Variants in KLHL2 observed in about 807,000 individuals in gnomAD.
KLHL2 encodes kelch-like protein 2.
In KLHL2, 15 loss-of-function variants were observed where a neutral mutation model predicts 75.8. The observed-to-expected ratio is 0.20, with a 90% CI of 0.13 to 0.30. KLHL2 has a LOEUF of 0.30. KLHL2 is among the 10% of genes least tolerant of loss of function. KLHL2 has a pLI of 1.00. For missense variants in KLHL2, 381 were observed against 741.0 expected, an observed-to-expected ratio of 0.51 and a Z score of 5.64; for synonymous variants, 214 against 251.9, an observed-to-expected ratio of 0.85 and a Z score of 1.42.
chr4:165,287,104 C>T (rs529209286), intron 5 of KLHL2, among the ~76,000 whole-genome samples: 2 of 152,252 alleles, frequency 1.3e-5, no homozygotes, highest in South Asian at 2.1e-4. Context: ...ATCTCTAGAA[C>T]GTCTTCATTT....
At chr4:165,274,268 G>A (rs1250081201) in intron 5 of KLHL2, among the ~76,000 whole-genome samples, 2 of 152,110 alleles carry the variant, frequency 1.3e-5, no homozygotes, top group Non-Finnish European at 2.9e-5. Flanking sequence ...GAGAAAGCCT[G>A]CAGGACCTCG....
In KLHL2 at chr4:165,264,704, G is replaced by A. The variant is rs866103272; in HGVS notation, c.544+1345G>A. ...TGTATGTGTGTGTGTGTGTGTGTGT[G>A]TATATATATATATATACATATATAT... On this transcript the variant is annotated intron_variant, in intron 5 of 14. Coordinates refer to ENST00000226725, the MANE Select transcript of KLHL2 (RefSeq NM_007246.4). Among the ~76,000 whole-genome samples the A allele has an allele frequency of 1.9e-3, 156 of 82,832 alleles. 1 individual carries two copies. The highest frequency in any genetic ancestry group is 6.1e-3 in the African/African-American group (132 of 21,654). 54.3% of individuals were successfully genotyped at this position (82,832 alleles called of 152,430 possible).
rs1202840207 is a variant in KLHL2 at position 165,322,779 on chromosome 4, T to C, written c.*719T>C. 1 of 152,650 alleles carries C rather than the reference T, an allele frequency of 6.6e-6. No homozygotes were observed. Among genetic ancestry groups the C allele is most frequent in the Non-Finnish European group, 1.5e-5 (1 of 68,038 alleles). The allele number at this position is 152,650 out of a possible 1,614,324, so 9.5% of individuals were successfully genotyped here. ...ATGGACCTGGTGTAACACACTTGAA[T>C]ATGTGTGATGCCAAACTTTTTAAAA... On this transcript the variant is annotated 3_prime_UTR_variant, in exon 15 of 15. Coordinates refer to ENST00000226725, the MANE Select transcript of KLHL2 (RefSeq NM_007246.4).
At chr4:165,264,590 A>ATG in intron 5 of KLHL2, among the ~76,000 whole-genome samples, 1 of 72,800 alleles carries the variant, frequency 1.4e-5, no homozygotes, top group Non-Finnish European at 3.1e-5. Flanking sequence ...TCCATCATAT[A>ATG]TATATATATA....
At chr4:165,232,735 A>G (rs1467549729) in intron 3 of KLHL2, among the ~76,000 whole-genome samples, 1 of 152,026 alleles carries the variant, frequency 6.6e-6, no homozygotes, top group Non-Finnish European at 1.5e-5. Context: ...TGAGAATATG[A>G]CCCTGTCTCA....
At position 165,319,474 on chromosome 4, in the gene KLHL2, TA is replaced by T. The variant is rs1746812922; in HGVS notation, c.1753+1508del. Among the ~76,000 whole-genome samples the T allele has an allele frequency of 6.6e-6, 1 of 152,146 alleles. No homozygotes were observed. The highest frequency in any genetic ancestry group is 2.1e-4 in the South Asian group (1 of 4,828). ...GCTGCACTTGCCCACCATTTCAAAATAAATGAATCCAGGGTAGGGATCATTG... is the reference window on the plus strand; with the variant it reads ...GCTGCACTTGCCCACCATTTCAAAATAATGAATCCAGGGTAGGGATCATTG... On this transcript the variant is annotated intron_variant, in intron 14 of 14. Transcript: ENST00000226725. This position sits in a 1 kb window ranked among gnomAD's most constrained non-coding sequence, Gnocchi z 4.5.
chr4:165,309,733 A>T (rs563351785), intron 9 of KLHL2, among the ~76,000 whole-genome samples: 2 of 152,372 alleles, frequency 1.3e-5, no homozygotes, highest in Non-Finnish European at 2.9e-5. Flanking sequence ...TATAAAAACC[A>T]TGCTTAGCTT....
intron 1 of KLHL2, among the ~76,000 whole-genome samples, chr4:165,212,600 G>A (rs4107940): frequency 1.3e-5 from 2 of 152,040 alleles, no homozygotes; most frequent in South Asian, 4.1e-4. Context: ...TCCTACTCTG[G>A]TTTTTAGGTT....
In KLHL2 at chr4:165,285,696, C is replaced by T. The variant is rs370756231; in HGVS notation, c.545-8663C>T. Among the ~76,000 whole-genome samples, 4 of 152,250 alleles carry T rather than the reference C, an allele frequency of 2.6e-5. No homozygotes were observed. The East Asian group carries it at 5.8e-4, about 22-fold the overall frequency. On this transcript the variant is annotated intron_variant, in intron 5 of 14. Transcript: ENST00000226725. ...TGCTGGGATTACAGGCATGAGCCGCCATGCCTGGCCCAGTGTGGATATACT... is the reference window on the plus strand; with the variant it reads ...TGCTGGGATTACAGGCATGAGCCGCTATGCCTGGCCCAGTGTGGATATACT...
chr4:165,314,194 T>G, intron 13 of KLHL2, 28 bp downstream of exon 13: 1 of 1,585,206 alleles, frequency 6.3e-7, no homozygotes, highest in Non-Finnish European at 8.6e-7. Context: ...GTTATAAAAC[T>G]TATGTTGAAT....
intron 4 of KLHL2, among the ~76,000 whole-genome samples, chr4:165,256,995 A>T (rs942042073): frequency 3.9e-5 from 6 of 152,206 alleles, no homozygotes; most frequent in African/African-American, 1.4e-4. Flanking sequence ...ATTCAATTTC[A>T]TTGATATTAT....
intron 5 of KLHL2, among the ~76,000 whole-genome samples, chr4:165,275,272 T>C (rs1285882986): frequency 5.9e-5 from 9 of 152,138 alleles, no homozygotes; most frequent in Non-Finnish European, 1.2e-4. Flanking sequence ...TGTTGGGTGG[T>C]ATCTATATTT....
intron 13 of KLHL2, among the ~76,000 whole-genome samples, chr4:165,316,906 A>G (rs1746627277): frequency 1.3e-5 from 2 of 152,174 alleles, no homozygotes; most frequent in Admixed American, 1.3e-4. Flanking sequence ...TGGGGTTAAA[A>G]AAGAAAGTGT....
chr4:165,302,289 G>A (rs1036691391), intron 8 of KLHL2, among the ~76,000 whole-genome samples: 2 of 152,020 alleles, frequency 1.3e-5, no homozygotes, highest in African/African-American at 4.8e-5. Context: ...TCATTTTAGA[G>A]TTGTTATGTT....
At chr4:165,278,223 C>T in intron 5 of KLHL2, 1 of 1,180,656 alleles carries the variant, frequency 8.5e-7, no homozygotes. Flanking sequence ...TCCTCAGGTT[C>T]AAGACTCCAT....
chr4:165,317,364 T>C (rs906456922), intron 13 of KLHL2, among the ~76,000 whole-genome samples: 10 of 139,132 alleles, frequency 7.2e-5, no homozygotes, highest in Non-Finnish European at 1.1e-4. Flanking sequence ...TAGAAAGAAT[T>C]CTTTTTTTTT....
chr4:165,255,717 A>G (rs892855534), intron 4 of KLHL2, among the ~76,000 whole-genome samples: 6 of 152,048 alleles, frequency 3.9e-5, no homozygotes, highest in African/African-American at 1.4e-4. Flanking sequence ...TAAGCGTTTC[A>G]TCTTCTAAAC....
intron 9 of KLHL2, among the ~76,000 whole-genome samples, chr4:165,307,860 GT>G (rs1162054273): frequency 6.6e-6 from 1 of 152,168 alleles, no homozygotes; most frequent in Non-Finnish European, 1.5e-5. Flanking sequence ...TATCTGGGCT[GT>G]ATTTTAGTCT....
In KLHL2 at chr4:165,238,802, A is replaced by G. The variant is rs1739570357; in HGVS notation, c.284A>G (p.Lys95Arg). Residue 95 changes from lysine to arginine, a missense_variant, in exon 4 of 15, where the codon AAG becomes AGG. Lys to Arg is a conservative substitution (Grantham distance 26). Coordinates refer to ENST00000226725, the MANE Select transcript of KLHL2 (RefSeq NM_007246.4). Reference sequence around the variant, plus strand: ...GGTGAGATGAGTGAGAGCCGAGCAAAGAGAGTTAGAATAAAAGAGGTAGAT... The same window carrying G: ...GGTGAGATGAGTGAGAGCCGAGCAAGGAGAGTTAGAATAAAAGAGGTAGAT... ...FTGEMSESRA[K>R]RVRIKEVDGW... 2 of 1,614,078 alleles carry G rather than the reference A, an allele frequency of 1.2e-6. No individual in the cohort carries two copies. Among genetic ancestry groups the G allele is most frequent in the Non-Finnish European group, 1.7e-6 (2 of 1,180,004 alleles).
Sources: gnomAD v4.1 joint callset for allele counts (sites outside exome capture counted in the v4.1 genomes callset) on GRCh38, gnomAD v4.1.1 for gene constraint, Gnocchi (gnomAD v3.1) non-coding constraint, MANE v1.5 for transcripts, NCBI Gene and HGNC (gene_info 2026-07-23, HGNC 2026-07-21) for gene names.